The following GTF2F2 variants were observed in gnomAD, a reference collection of about 807,000 sequenced individuals.
GTF2F2 encodes the protein general transcription factor IIF subunit 2, also known as ATP-dependent helicase GTF2F2.
Under a neutral mutation model 42.2 loss-of-function variants are expected in GTF2F2, and 23 were observed. The ratio of observed to expected loss-of-function variants is 0.55; its 90% CI spans 0.39 to 0.77. The LOEUF is 0.77. Among genes scored for constraint, GTF2F2 ranks in the 30% least tolerant of loss-of-function variants. The pLI, the probability that GTF2F2 is intolerant of heterozygous loss-of-function variation, is 0.00. For missense variants in GTF2F2, 261 were observed against 287.2 expected (o/e 0.91, Z 0.66); for synonymous variants, 105 against 100.8 (o/e 1.04, Z -0.25).
At chr13:45,146,985 TA>T (rs1870225735) in intron 2 of GTF2F2, among the ~76,000 whole-genome samples, 1 of 152,252 alleles carries the variant, frequency 6.6e-6, no homozygotes. Flanking sequence ...AAATAAGTTT[TA>T]AGTCTTCAAG....
chr13:45,207,377 GA>G, intron 4 of GTF2F2, 46 bp from the exon 5 acceptor site: 1 of 1,138,538 alleles, frequency 8.8e-7, no homozygotes, highest in African/African-American at 1.5e-5. Context: ...ATACAGTCTT[GA>G]AAATGATAAG....
intron 2 of GTF2F2, among the ~76,000 whole-genome samples, chr13:45,142,944 T>C (rs190682564): frequency 5.3e-5 from 8 of 152,290 alleles, no homozygotes; most frequent in Admixed American, 3.3e-4. Context: ...AGATGTCTGT[T>C]GTTTAGAATG....
intron 5 of GTF2F2, among the ~76,000 whole-genome samples, chr13:45,239,497 A>G (rs756972053): frequency 7.9e-5 from 12 of 152,224 alleles, no homozygotes; most frequent in Non-Finnish European, 1.5e-4. Context: ...TTAAAAAAAT[A>G]AAACAAGACA....
intron 7 of GTF2F2, among the ~76,000 whole-genome samples, chr13:45,281,579 C>T (rs903974751): frequency 3.9e-5 from 6 of 152,200 alleles, no homozygotes; most frequent in Middle Eastern, 3.2e-3. Flanking sequence ...GTCGCCTAGG[C>T]ACTTGTTAAA....
chr13:45,157,000 T>C (rs1307698654), intron 4 of GTF2F2, among the ~76,000 whole-genome samples: 1 of 152,200 alleles, frequency 6.6e-6, no homozygotes, highest in Non-Finnish European at 1.5e-5. Flanking sequence ...GTAAATTATA[T>C]TGCTGGCTAG....
chr13:45,133,516 G>A (rs1232031854), intron 1 of GTF2F2, among the ~76,000 whole-genome samples: 1 of 151,960 alleles, frequency 6.6e-6, no homozygotes, highest in Non-Finnish European at 1.5e-5. Flanking sequence ...TTGTTTTATG[G>A]TATGAGTTTA....
At chr13:45,230,140 C>T (rs981433221) in intron 5 of GTF2F2, among the ~76,000 whole-genome samples, 5 of 151,962 alleles carry the variant, frequency 3.3e-5, no homozygotes. Flanking sequence ...CGTTTAAACC[C>T]ATGAGGCGGA....
intron 5 of GTF2F2, among the ~76,000 whole-genome samples, chr13:45,225,231 T>C (rs562027285): frequency 6.6e-6 from 1 of 152,316 alleles, no homozygotes; most frequent in East Asian, 1.9e-4. Flanking sequence ...GGTACAACTT[T>C]CGGATAATAT....
intron 5 of GTF2F2, among the ~76,000 whole-genome samples, chr13:45,229,153 G>C (rs1874538138): frequency 6.6e-6 from 1 of 152,148 alleles, no homozygotes; most frequent in Non-Finnish European, 1.5e-5. Context: ...GAAGTGCCGG[G>C]ATTACAGGAA....
intron 4 of GTF2F2, among the ~76,000 whole-genome samples, chr13:45,165,345 TGAGACAAAG>T (rs1225695122): frequency 6.8e-6 from 1 of 147,846 alleles, no homozygotes; most frequent in African/African-American, 2.5e-5. Context: ...TTTTTTTCTT[TGAGACAAAG>T]TCTTGCTCTA....
chr13:45,174,687 G>A (rs1593471371), intron 4 of GTF2F2, among the ~76,000 whole-genome samples: 1 of 136,586 alleles, frequency 7.3e-6, no homozygotes, highest in Non-Finnish European at 1.5e-5. Context: ...TACAGGTCCT[G>A]GATACATGAC....
chr13:45,246,987 G>A (rs960891058), intron 5 of GTF2F2, among the ~76,000 whole-genome samples: 4 of 149,484 alleles, frequency 2.7e-5, no homozygotes, highest in East Asian at 2.0e-4. Context: ...GCAGTGAGCC[G>A]AGATAAGCGC....
At chr13:45,219,737 T>A (rs780157357) in intron 5 of GTF2F2, 25 of 152,202 alleles carry the variant, frequency 1.6e-4, no homozygotes, top group Admixed American at 5.2e-4. Context: ...GTTTTGAAGA[T>A]CTGCTAATCT....
intron 4 of GTF2F2, among the ~76,000 whole-genome samples, chr13:45,174,043 C>G (rs1405123240): frequency 6.6e-6 from 1 of 152,110 alleles, no homozygotes; most frequent in Non-Finnish European, 1.5e-5. Flanking sequence ...CTAGCTGATT[C>G]CTTTCTATTG....
chr13:45,181,615 T>C (rs776604291), intron 4 of GTF2F2, among the ~76,000 whole-genome samples: 1 of 152,078 alleles, frequency 6.6e-6, no homozygotes, highest in Non-Finnish European at 1.5e-5. Context: ...ATAAAATAAA[T>C]CTATTAACCT....
intron 6 of GTF2F2, among the ~76,000 whole-genome samples, chr13:45,259,344 TG>T (rs1302060475): frequency 6.6e-6 from 1 of 152,110 alleles, no homozygotes; most frequent in Non-Finnish European, 1.5e-5. Context: ...GAGAATTGCT[TG>T]AACCCGGGAG....
At chr13:45,154,975 A>T (rs1242620409) in intron 4 of GTF2F2, among the ~76,000 whole-genome samples, 1 of 152,122 alleles carries the variant, frequency 6.6e-6, no homozygotes, top group East Asian at 1.9e-4. Context: ...TGTATTTGTT[A>T]TTTCTAGTCA....
At chr13:45,124,043 TC>T in intron 1 of GTF2F2, 10 of 1,137,138 alleles carry the variant, frequency 8.8e-6, no homozygotes, top group Non-Finnish European at 1.3e-5. Context: ...GGCCATGAGG[TC>T]CCCCACCCTG....
At chr13:45,175,462 G>A (rs1254712376) in intron 4 of GTF2F2, among the ~76,000 whole-genome samples, 3 of 151,906 alleles carry the variant, frequency 2.0e-5, no homozygotes, top group Admixed American at 6.6e-5. Context: ...ACCCAGTAGT[G>A]GAATTGCTGG....
Sources: gnomAD v4.1 joint callset for allele counts (sites outside exome capture counted in the v4.1 genomes callset) on GRCh38, gnomAD v4.1.1 for gene constraint, MANE v1.5 for transcripts, NCBI Gene and HGNC (gene_info 2026-07-23, HGNC 2026-07-21) for gene names.